Variants in SLC13A4 observed in about 807,000 individuals in gnomAD.
SLC13A4 encodes the protein Na(+)/sulfate cotransporter SUT-1.
Under a neutral mutation model 72.7 loss-of-function variants are expected in SLC13A4, and 28 were observed. The observed-to-expected ratio is 0.39, with a 90% CI of 0.29 to 0.53. SLC13A4 has a LOEUF of 0.53. Ranked by LOEUF, SLC13A4 falls within the 20% of genes least tolerant of loss-of-function variation. The pLI is 0.78. For synonymous variants in SLC13A4, 312 were observed against 325.5 expected (o/e 0.96, Z 0.45); for missense variants, 653 against 788.0 (o/e 0.83, Z 2.05).
intron 2 of SLC13A4, among the ~76,000 whole-genome samples, chr7:135,708,571 T>G (rs1796222815): frequency 6.6e-6 from 1 of 152,230 alleles, no homozygotes; most frequent in African/African-American, 2.4e-5. Flanking sequence ...GAATATGATT[T>G]TAAAGAATAA....
At position 135,695,469 on chromosome 7, in the gene SLC13A4, C is replaced by T. The variant is rs920944385; in HGVS notation, c.918G>A (p.Glu306=). 3.7e-6 allele frequency: 6 copies of T among 1,613,998 alleles called. No homozygotes were observed. The Admixed American group carries it at 1.0e-4, about 27-fold the overall frequency. The part of the protein sequence containing the change: ...EHFNNQYPAA[E]VVNFGTWFLF... The stretch of plus-strand genomic sequence containing the variant: ...GGAACCAGGTGCCAAAGTTCACCAC[C>T]TCTGCGGCTGGATACTGGCTGGAGG... Residue 306 remains glutamate, a synonymous_variant, in exon 9 of 16, where the codon GAG becomes GAA. Coordinates refer to ENST00000682651, the MANE Select transcript of SLC13A4 (RefSeq NM_001318192.2).
chr7:135,693,882 C>G (rs1181192867), intron 10 of SLC13A4, among the ~76,000 whole-genome samples: 1 of 152,220 alleles, frequency 6.6e-6, no homozygotes, highest in Admixed American at 6.5e-5. Context: ...CTGCCTCTGT[C>G]TGCTCCATGG....
chr7:135,688,320 G>A (rs879890094), intron 13 of SLC13A4, among the ~76,000 whole-genome samples: 1 of 151,218 alleles, frequency 6.6e-6, no homozygotes, highest in Non-Finnish European at 1.5e-5. Flanking sequence ...GCAGTGGCAC[G>A]ATCTCGGCTC....
At position 135,715,511 on chromosome 7, in the gene SLC13A4, ATGTGAGTG is replaced by A. The variant is rs1457757433; in HGVS notation, c.228+5876_228+5883del. ...TATGAGTGGGTGTGTAGGAGTGTGT[ATGTGAGTG>A]TGTGAGTGTGTGCCAGTGTGTGTGC... is the stretch of plus-strand genomic sequence containing the variant. On this transcript the variant is annotated intron_variant, in intron 2 of 15. Transcript: ENST00000682651. Among the ~76,000 whole-genome samples the A allele has an allele frequency of 4.8e-5, 7 of 145,594 alleles. No homozygotes were observed. In the East Asian group the frequency reaches 8.1e-4, roughly 17 times the overall value.
At chr7:135,696,330 C>T (rs916428957) in intron 8 of SLC13A4, among the ~76,000 whole-genome samples, 2 of 152,096 alleles carry the variant, frequency 1.3e-5, no homozygotes, top group African/African-American at 2.4e-5. Context: ...TGACCCTGCT[C>T]TACTTTCCTT....
chr7:135,705,916 G>A lies in SLC13A4; in HGVS notation c.538+212C>T. On this transcript the variant is annotated intron_variant, in intron 4 of 15. Transcript: ENST00000682651. ...AAGAGCCCAGAAGTGAAGGAGGAAG[G>A]AAGAGCCAGAACAGGGAGTTCAGGG... is the stretch of plus-strand genomic sequence containing the variant. 5.3e-6 allele frequency: 3 copies of A among 565,828 alleles called. No individual in the cohort carries two copies. The East Asian group carries it at 8.4e-5, about 16-fold the overall frequency. 35.1% of individuals were successfully genotyped at this position (565,828 alleles called of 1,614,324 possible).
chr7:135,703,179 TG>T (rs987149406), intron 5 of SLC13A4: 4 of 413,046 alleles, frequency 9.7e-6, no homozygotes, highest in African/African-American at 8.0e-5. Context: ...TGCACATATA[TG>T]GGCTTTAACC....
chr7:135,721,069 G>T (rs1019816620), intron 2 of SLC13A4, among the ~76,000 whole-genome samples: 4 of 152,144 alleles, frequency 2.6e-5, no homozygotes, highest in Admixed American at 6.5e-5. Flanking sequence ...TCTGAAAAAG[G>T]TCAACAGCAG....
Position 135,684,249 on chromosome 7 carries a change from G to T in SLC13A4, c.1621C>A (p.His541Asn). 1 of 1,606,636 alleles carries T rather than the reference G, an allele frequency of 6.2e-7. No individual in the cohort carries two copies. Among genetic ancestry groups the T allele is most frequent in the South Asian group, 1.1e-5 (1 of 89,848 alleles). Reference protein sequence around the residue: ...PILCSLSETLHINPLYTLIPV... With the variant: ...PILCSLSETLNINPLYTLIPV... ...ATCAGGGTGTAGAGGGGGTTAATGTGCAGCGTTTCAGACTAGAAGAGAGAA... is the reference window on the plus strand; with the variant it reads ...ATCAGGGTGTAGAGGGGGTTAATGTTCAGCGTTTCAGACTAGAAGAGAGAA... The change falls in exon 15 of 16, where the codon CAC becomes AAC. Residue 541 changes from histidine (H) to asparagine (N), a missense_variant. Transcript: ENST00000682651.
At chr7:135,695,544 T>C (rs1047589970) in intron 8 of SLC13A4, 57 bp from the exon 9 acceptor site, 2 of 1,572,506 alleles carry the variant, frequency 1.3e-6, no homozygotes, top group African/African-American at 1.3e-5. Context: ...ATATGGTATT[T>C]TGGGGTAGTA....
At chr7:135,698,566 C>G (rs189984898) in intron 8 of SLC13A4, among the ~76,000 whole-genome samples, 40 of 150,320 alleles carry the variant, frequency 2.7e-4, no homozygotes, top group African/African-American at 9.1e-4. Flanking sequence ...AACTCCTGAC[C>G]TCAAGTGATC....
chr7:135,686,807 A>T (rs1795637292), intron 13 of SLC13A4, among the ~76,000 whole-genome samples: 1 of 152,230 alleles, frequency 6.6e-6, no homozygotes, highest in Non-Finnish European at 1.5e-5. Flanking sequence ...CTGTAATACC[A>T]GCACTTTAGG....
intron 5 of SLC13A4, chr7:135,703,711 T>C (rs1417701108): frequency 6.6e-6 from 1 of 152,282 alleles, no homozygotes; most frequent in Non-Finnish European, 1.5e-5. Flanking sequence ...GCTCAGCCAC[T>C]GTGAAGACAG....
At chr7:135,726,567 G>A (rs2129495665) in intron 1 of SLC13A4, among the ~76,000 whole-genome samples, 1 of 92,660 alleles carries the variant, frequency 1.1e-5, no homozygotes, top group East Asian at 3.7e-4. Flanking sequence ...GAAGAGAACA[G>A]CGGAGGGAAG....
chr7:135,684,311 C>T, intron 14 of SLC13A4, 50 bp from the exon 15 acceptor site: 2 of 1,552,066 alleles, frequency 1.3e-6, no homozygotes, highest in South Asian at 2.5e-5. Flanking sequence ...CTTGCATTTC[C>T]TGTGCTTAAT....
At chr7:135,692,445 A>C in intron 10 of SLC13A4, 21 bp from the exon 11 acceptor site, 1 of 1,555,796 alleles carries the variant, frequency 6.4e-7, no homozygotes, top group Non-Finnish European at 8.8e-7. Context: ...AAACAGAAAG[A>C]CCCACTCAGG....
intron 9 of SLC13A4, among the ~76,000 whole-genome samples, chr7:135,694,619 A>G (rs982836342): frequency 1.3e-5 from 2 of 152,254 alleles, no homozygotes; most frequent in Non-Finnish European, 2.9e-5. Flanking sequence ...TTATTCCACT[A>G]TGTGTCTAGA....
intron 11 of SLC13A4, 165 bp downstream of exon 11, chr7:135,692,158 A>G: frequency 1.6e-6 from 1 of 640,468 alleles, no homozygotes; most frequent in Non-Finnish European, 2.8e-6. Context: ...GACTCCAAAG[A>G]GTGTTTTTCC....
intron 2 of SLC13A4, among the ~76,000 whole-genome samples, chr7:135,712,341 T>C (rs1307363988): frequency 6.6e-6 from 1 of 151,796 alleles, no homozygotes; most frequent in East Asian, 1.9e-4. Flanking sequence ...CAGGATATAG[T>C]TTGTGATTAC....
Sources: gnomAD v4.1 joint callset for allele counts (sites outside exome capture counted in the v4.1 genomes callset) on GRCh38, gnomAD v4.1.1 for gene constraint, MANE v1.5 for transcripts, NCBI Gene and HGNC (gene_info 2026-07-23, HGNC 2026-07-21) for gene names.